Variants in CUX1 observed in about 807,000 individuals in gnomAD.
The protein encoded by CUX1 is protein CASP.
Under a neutral mutation model 158.8 loss-of-function variants are expected in CUX1, and 31 were observed. The observed-to-expected ratio is 0.20, with a 90% confidence interval of 0.15 to 0.26. The LOEUF (loss-of-function observed/expected upper bound fraction) is 0.26. Ranked by LOEUF, CUX1 falls within the 10% of genes least tolerant of loss-of-function variation. The probability of loss-of-function intolerance (pLI) is 1.00; values close to 1 mark genes in which losing one functional copy is unlikely to be tolerated. For synonymous variants in CUX1, 879 were observed against 862.1 expected (o/e 1.02, Z -0.34); for missense variants, 1,589 against 2,014.6 (o/e 0.79, Z 4.04).
Position 102,178,374 on chromosome 7 carries a change from A to C in CUX1, c.829-95A>C. On this transcript the variant is annotated intron_variant, in intron 10 of 23. Coordinates refer to ENST00000292535, the MANE Select transcript of CUX1 (RefSeq NM_181552.4). ...CTGCCATCACCATCCACACACTGAC[A>C]TCTGTGCAGCTTCTGTCTCAGTTGC... 4 of 1,212,906 alleles carry C rather than the reference A, an allele frequency of 3.3e-6. 1 individual carries two copies. The South Asian group carries it at 6.0e-5, about 18-fold the overall frequency. 75.1% of individuals were successfully genotyped at this position (1,212,906 alleles called of 1,614,324 possible). A position where few individuals can be genotyped will look rare whatever the true frequency, so the allele number is the denominator to read the frequency against.
At chr7:101,975,268 G>A (rs1585144087) in intron 2 of CUX1, among the ~76,000 whole-genome samples, 1 of 130,506 alleles carries the variant, frequency 7.7e-6, no homozygotes, top group Admixed American at 7.0e-5. Context: ...AAAAAAAAGA[G>A]AGAGAGAGAG....
At chr7:102,176,036 G>T (rs1041426270) in intron 10 of CUX1, among the ~76,000 whole-genome samples, 1 of 152,210 alleles carries the variant, frequency 6.6e-6, no homozygotes, top group South Asian at 2.1e-4. Flanking sequence ...TAAATAAGCC[G>T]ACAGGAGATG....
intron 23 of CUX1, among the ~76,000 whole-genome samples, chr7:102,247,059 T>C (rs1200788741): frequency 6.6e-6 from 1 of 152,068 alleles, no homozygotes; most frequent in African/African-American, 2.4e-5. Flanking sequence ...TTAGGCATGG[T>C]GGTATACACC....
At chr7:102,164,554 A>G (rs1376776580) in intron 9 of CUX1, among the ~76,000 whole-genome samples, 5 of 152,122 alleles carry the variant, frequency 3.3e-5, no homozygotes, top group African/African-American at 1.2e-4. Flanking sequence ...GGTTGAGGTT[A>G]GGGGTTGGAA....
In CUX1 at chr7:102,250,960, C is replaced by T. The variant is rs1281688373; in HGVS notation, c.*1918C>T. 15 of 959,942 alleles carry T rather than the reference C, an allele frequency of 1.6e-5. No homozygotes were observed. The highest frequency in any genetic ancestry group is 1.2e-4 in the East Asian group (1 of 8,692). 59.5% of individuals were successfully genotyped at this position (959,942 alleles called of 1,614,324 possible). A position where few individuals can be genotyped will look rare whatever the true frequency, so the allele number is the denominator to read the frequency against. On this transcript the variant is annotated 3_prime_UTR_variant, in exon 24 of 24. Transcript: ENST00000292535. Reference sequence around the variant, plus strand: ...TCTTTAAACTAACAATAGATGATTTCGGTATATATATATATTTTTTTTTGC... The same window carrying T: ...TCTTTAAACTAACAATAGATGATTTTGGTATATATATATATTTTTTTTTGC...
chr7:102,094,628 C>A (rs1401086041), intron 4 of CUX1, among the ~76,000 whole-genome samples: 1 of 152,176 alleles, frequency 6.6e-6, no homozygotes, highest in Non-Finnish European at 1.5e-5. Flanking sequence ...GGAGGGCAGG[C>A]AGTATACTAG....
intron 4 of CUX1, among the ~76,000 whole-genome samples, chr7:102,088,540 A>G (rs948410464): frequency 6.6e-6 from 1 of 152,088 alleles, no homozygotes; most frequent in Non-Finnish European, 1.5e-5. Flanking sequence ...AGGCTGAGGC[A>G]GGAGATTCTC....
intron 8 of CUX1, among the ~76,000 whole-genome samples, chr7:102,134,295 C>T (rs559772272): frequency 4.6e-5 from 7 of 152,274 alleles, no homozygotes; most frequent in Admixed American, 1.3e-4. Context: ...TGAGATTGCA[C>T]CACTGCACTT....
intron 9 of CUX1, among the ~76,000 whole-genome samples, chr7:102,160,524 GGGACA>G (rs1790319186): frequency 6.6e-6 from 1 of 152,188 alleles, no homozygotes; most frequent in African/African-American, 2.4e-5. Context: ...CAAGGCTGTA[GGGACA>G]GGTGCTGGCT....
chr7:101,915,076 C>T (rs1804025415), intron 1 of CUX1, among the ~76,000 whole-genome samples: 1 of 152,166 alleles, frequency 6.6e-6, no homozygotes, highest in Non-Finnish European at 1.5e-5. Flanking sequence ...ATGGTCCCAA[C>T]CGTGAGAAGC....
chr7:102,206,756 G>C (rs1225146908), intron 20 of CUX1, among the ~76,000 whole-genome samples: 7 of 152,192 alleles, frequency 4.6e-5, no homozygotes, highest in Non-Finnish European at 8.8e-5. Flanking sequence ...AAAATTAGCT[G>C]AGTGTGGTGG....
chr7:102,216,598 C>CACACA (rs1797136947), intron 20 of CUX1, among the ~76,000 whole-genome samples: 1 of 29,166 alleles, frequency 3.4e-5, no homozygotes, highest in African/African-American at 9.4e-5. Flanking sequence ...ACACACACTC[C>CACACA]CACACACACA....
intron 2 of CUX1, among the ~76,000 whole-genome samples, chr7:101,936,987 G>A (rs1351057832): frequency 3.9e-5 from 6 of 152,154 alleles, no homozygotes; most frequent in South Asian, 2.1e-4. Flanking sequence ...CACAGTCACC[G>A]GGGAAGGGCC....
At chr7:102,228,315 A>G (rs1251141142) in intron 21 of CUX1, among the ~76,000 whole-genome samples, 2 of 152,100 alleles carry the variant, frequency 1.3e-5, no homozygotes, top group African/African-American at 2.4e-5. Context: ...TCTTGAGGCC[A>G]CAGTCTGAGA....
intron 10 of CUX1, among the ~76,000 whole-genome samples, chr7:102,176,918 GAGAAGTAGAATTAC>G (rs1176415268): frequency 6.6e-6 from 1 of 150,390 alleles, no homozygotes; most frequent in African/African-American, 2.4e-5. Context: ...TTGAGTCATT[GAGAAGTAGAATTAC>G]AGATTTGACT....
chr7:101,954,362 T>C (rs1431904113), intron 2 of CUX1, among the ~76,000 whole-genome samples: 1 of 152,136 alleles, frequency 6.6e-6, no homozygotes, highest in East Asian at 1.9e-4. Flanking sequence ...CAAAATAAAA[T>C]TGTAACCCAA....
intron 11 of CUX1, among the ~76,000 whole-genome samples, chr7:102,183,794 C>A (rs113785289): frequency 3.3e-5 from 5 of 152,348 alleles, no homozygotes; most frequent in Admixed American, 2.0e-4. Context: ...CCCCCACGGT[C>A]AGAATTTTAT....
chr7:101,870,403 C>T (rs1423448473), intron 1 of CUX1, among the ~76,000 whole-genome samples: 2 of 151,964 alleles, frequency 1.3e-5, no homozygotes, highest in African/African-American at 4.8e-5. Context: ...AACTCCTGGC[C>T]TCAAGCAATT....
At chr7:101,981,767 C>A (rs575435424) in intron 2 of CUX1, among the ~76,000 whole-genome samples, 100 of 152,246 alleles carry the variant, frequency 6.6e-4, no homozygotes, top group Non-Finnish European at 1.1e-3. Flanking sequence ...AGCACCACCA[C>A]GCCCAGCTAA....
Sources: gnomAD v4.1 joint callset for allele counts (sites outside exome capture counted in the v4.1 genomes callset) on GRCh38, gnomAD v4.1.1 for gene constraint, MANE v1.5 for transcripts, NCBI Gene and HGNC (gene_info 2026-07-23, HGNC 2026-07-21) for gene names.